Variants in ZNF345 observed in about 807,000 individuals in gnomAD.
ZNF345 encodes the protein zinc finger protein 345.
For missense variants in ZNF345, 527 were observed against 589.9 expected, an observed-to-expected ratio of 0.89 and a Z score of 1.10; for synonymous variants, 166 against 187.9, an observed-to-expected ratio of 0.88 and a Z score of 0.95.
At chr19:36,881,163 A>G (rs2072965728), downstream of ZNF345, among the ~76,000 whole-genome samples, 1 of 152,246 alleles carries the variant, frequency 6.6e-6, no homozygotes, top group Non-Finnish European at 1.5e-5. Flanking sequence ...CAGGTTGAGC[A>G]TGCTTAATTT....
At chr19:36,857,890 C>T (rs1282204723) in intron 2 of ZNF345, among the ~76,000 whole-genome samples, 12 of 152,184 alleles carry the variant, frequency 7.9e-5, no homozygotes, top group Admixed American at 6.5e-4. Flanking sequence ...GCAATTCTGC[C>T]TCAGCCTCCC....
chr19:36,881,723 T>TA (rs2072969614), downstream of ZNF345, among the ~76,000 whole-genome samples: 1 of 152,168 alleles, frequency 6.6e-6, no homozygotes, highest in Non-Finnish European at 1.5e-5. Flanking sequence ...CATGAAATCT[T>TA]AAGATGCTAC....
chr19:36,856,581 G>A (rs1423161692), intron 2 of ZNF345, among the ~76,000 whole-genome samples: 1 of 152,030 alleles, frequency 6.6e-6, no homozygotes, highest in Non-Finnish European at 1.5e-5. Flanking sequence ...ATTTGGCCAG[G>A]CCAGTGGCTC....
At chr19:36,858,270 A>G (rs1303524549) in intron 2 of ZNF345, 1 of 153,310 alleles carries the variant, frequency 6.5e-6, no homozygotes, top group East Asian at 1.9e-4. Flanking sequence ...GAAGGAACAA[A>G]GAAATCTGTA....
At chr19:36,875,054 G>GT (rs1057263310) in intron 2 of ZNF345, among the ~76,000 whole-genome samples, 16 of 151,610 alleles carry the variant, frequency 1.1e-4, no homozygotes, top group Non-Finnish European at 1.9e-4. Flanking sequence ...ATGCATTTAG[G>GT]TTTTTTTTGC....
At chr19:36,886,581 C>T (rs1012673460) in intron 3 of ZNF345, among the ~76,000 whole-genome samples, 6 of 152,324 alleles carry the variant, frequency 3.9e-5, no homozygotes, top group South Asian at 2.1e-4. Context: ...CCCGCTGGCT[C>T]ATGCCTATAA....
At chr19:36,867,315 A>G (rs182187607) in intron 2 of ZNF345, among the ~76,000 whole-genome samples, 19 of 152,274 alleles carry the variant, frequency 1.2e-4, no homozygotes, top group Non-Finnish European at 2.6e-4. Context: ...TTTTTCCCCA[A>G]GATTTGTTCT....
chr19:36,878,375 T>A lies in ZNF345; in HGVS notation c.*78T>A. Reference sequence around the variant, plus strand: ...TGGTGAAAATCTCTACAAATAGAACTAAGGTACAAATGCCTTACTTATGCT... The same window carrying A: ...TGGTGAAAATCTCTACAAATAGAACAAAGGTACAAATGCCTTACTTATGCT... On this transcript the variant is annotated 3_prime_UTR_variant, in exon 3 of 3. Coordinates refer to ENST00000420450, the MANE Select transcript of ZNF345 (RefSeq NM_001242472.2). 1 of 1,402,630 alleles carries A rather than the reference T, an allele frequency of 7.1e-7. No homozygotes were observed. Among genetic ancestry groups the A allele is most frequent in the Non-Finnish European group, 9.6e-7 (1 of 1,038,804 alleles). 86.9% of individuals were successfully genotyped at this position (1,402,630 alleles called of 1,614,324 possible).
chr19:36,869,273 G>A (rs1245533632), intron 2 of ZNF345, among the ~76,000 whole-genome samples: 1 of 151,464 alleles, frequency 6.6e-6, no homozygotes, highest in East Asian at 2.0e-4. Flanking sequence ...TATTATGAAA[G>A]ATAAGGATAC....
intron 2 of ZNF345, among the ~76,000 whole-genome samples, chr19:36,856,231 T>C (rs2072416204): frequency 6.6e-6 from 1 of 152,214 alleles, no homozygotes; most frequent in Admixed American, 6.5e-5. Flanking sequence ...CCTACCTACA[T>C]TGTAAATCAT....
At position 36,877,403 on chromosome 19, in the gene ZNF345, G is replaced by T; in HGVS notation, c.573G>T (p.Arg191=). 6.2e-7 allele frequency: 1 copy of T among 1,613,782 alleles called. No individual in the cohort carries two copies. Among genetic ancestry groups the T allele is most frequent in the Non-Finnish European group, 8.5e-7 (1 of 1,179,946 alleles). The change falls in exon 3 of 3, where the codon CGG becomes CGT. Residue 191 remains arginine (R), a synonymous_variant. Transcript: ENST00000420450. ...KSFSFESALI[R]HHRIHTGEKP... ...TTAGTTTTGAATCAGCCCTTATTCG[G>T]CATCACAGAATTCACACAGGTGAGA...
At chr19:36,852,055 C>T (rs1285936258) in intron 2 of ZNF345, among the ~76,000 whole-genome samples, 151 bp downstream of exon 2, 2 of 151,798 alleles carry the variant, frequency 1.3e-5, no homozygotes, top group Non-Finnish European at 2.9e-5. Flanking sequence ...AACCCCACCT[C>T]CCACACCTGA....
At chr19:36,865,686 T>C (rs2072644785) in intron 2 of ZNF345, among the ~76,000 whole-genome samples, 1 of 152,184 alleles carries the variant, frequency 6.6e-6, no homozygotes, top group Admixed American at 6.5e-5. Flanking sequence ...TTTTTCCATA[T>C]AGGCAATCAT....
intron 3 of ZNF345, among the ~76,000 whole-genome samples, chr19:36,886,210 T>A (rs368562419): frequency 1.3e-4 from 20 of 152,210 alleles, no homozygotes; most frequent in East Asian, 1.2e-3. Context: ...ATAATTTATG[T>A]AGATATTCTG....
At chr19:36,875,822 A>G (rs917609313) in intron 2 of ZNF345, among the ~76,000 whole-genome samples, 4 of 152,190 alleles carry the variant, frequency 2.6e-5, no homozygotes, top group Non-Finnish European at 5.9e-5. Flanking sequence ...AGGGCCTTAG[A>G]TAGTATCTTT....
intron 2 of ZNF345, among the ~76,000 whole-genome samples, chr19:36,858,012 T>C (rs1320396889): frequency 2.6e-5 from 4 of 151,046 alleles, no homozygotes; most frequent in Non-Finnish European, 5.9e-5. Flanking sequence ...ACTCCTGACC[T>C]CAGGTGATCC....
downstream of ZNF345, chr19:36,893,138 G>A (rs1180889602): frequency 5.0e-6 from 2 of 396,050 alleles, no homozygotes; most frequent in East Asian, 3.6e-5. Context: ...AATGTCGGGG[G>A]CGGGTGGAGT....
chr19:36,887,673 A>G lies in ZNF345; in HGVS notation c.47-5145A>G, dbSNP rs962846663. Among the ~76,000 whole-genome samples, 3 of 152,216 alleles carry G rather than the reference A, an allele frequency of 2.0e-5. No individual in the cohort carries two copies. In the East Asian group the frequency reaches 5.8e-4, roughly 29 times the overall value. ...TGATATTAGATCCATGTTTTACAAA[A>G]GGAACACACGTAGAGCCCAGACCAC... On this transcript the variant is annotated intron_variant, in intron 3 of 3. Coordinates refer to the ZNF345 transcript ENST00000526123.
intron 2 of ZNF345, among the ~76,000 whole-genome samples, chr19:36,853,615 A>T (rs1273431200): frequency 6.6e-6 from 1 of 152,066 alleles, no homozygotes; most frequent in African/African-American, 2.4e-5. Context: ...GTAGGATTGA[A>T]TTTCATTTTT....
Sources: allele counts gnomAD v4.1 joint callset (sites outside exome capture counted in the v4.1 genomes callset), GRCh38; gene constraint gnomAD v4.1.1; transcripts MANE v1.5; gene names NCBI Gene and HGNC (gene_info 2026-07-23, HGNC 2026-07-21).